PPIL6: variants seen among roughly 807,000 people sequenced by gnomAD.
The protein encoded by PPIL6 is probable inactive peptidyl-prolyl cis-trans isomerase-like 6.
A neutral mutation model predicts 36.8 loss-of-function variants in PPIL6; 39 were observed. The ratio of observed to expected loss-of-function variants is 1.06; its 90% confidence interval spans 0.82 to 1.38. The LOEUF (loss-of-function observed/expected upper bound fraction) is 1.38. PPIL6 is among the 40% of genes most tolerant of loss of function. PPIL6 has a pLI of 0.00. For missense variants in PPIL6, 368 were observed against 379.1 expected (o/e 0.97, Z 0.24); for synonymous variants, 123 against 134.1 (o/e 0.92, Z 0.57).
intron 2 of PPIL6, 117 bp from the exon 3 acceptor site, chr6:109,431,462 T>C (rs1582594484): frequency 1.8e-6 from 1 of 556,284 alleles, no homozygotes; most frequent in East Asian, 3.2e-5. Flanking sequence ...ACTCTAGTAT[T>C]GAATCTTTTA....
chr6:109,397,955 G>A (rs1012968941), intron 7 of PPIL6, among the ~76,000 whole-genome samples: 1 of 150,954 alleles, frequency 6.6e-6, no homozygotes, highest in Non-Finnish European at 1.5e-5. Context: ...GCAGTGGTGC[G>A]ATCTCGGCTC....
intron 5 of PPIL6, among the ~76,000 whole-genome samples, chr6:109,425,749 C>CAAAAAAAAAAAAAAAAAA (rs34275471): frequency 9.6e-6 from 1 of 103,702 alleles, no homozygotes; most frequent in African/African-American, 3.6e-5. Context: ...GACTCCGTTT[C>CAAAAAAAAAAAAAAAAAA]AAAAAAAAAA....
intron 3 of PPIL6, among the ~76,000 whole-genome samples, chr6:109,430,218 G>A (rs943534873): frequency 2.0e-5 from 3 of 152,178 alleles, no homozygotes; most frequent in South Asian, 2.1e-4. Flanking sequence ...GGCACAGGCC[G>A]CCATGGGCAT....
At chr6:109,440,686 G>A, upstream of PPIL6, 3 of 1,003,382 alleles carry the variant, frequency 3.0e-6, no homozygotes, top group Non-Finnish European at 3.7e-6. Flanking sequence ...GCGGGGCCCA[G>A]GGGCGGGTCG....
At chr6:109,434,907 C>G (rs1319089308) in intron 2 of PPIL6, among the ~76,000 whole-genome samples, 1 of 152,190 alleles carries the variant, frequency 6.6e-6, no homozygotes, top group Non-Finnish European at 1.5e-5. Flanking sequence ...GGTTGTCACC[C>G]AACAGGAAAA....
chr6:109,410,154 T>C (rs1309405627), intron 6 of PPIL6, among the ~76,000 whole-genome samples: 1 of 152,218 alleles, frequency 6.6e-6, no homozygotes. Flanking sequence ...CCGTGTCCCA[T>C]GTGGAAGATC....
At chr6:109,400,700 A>G (rs1051000611) in intron 6 of PPIL6, among the ~76,000 whole-genome samples, 13 of 152,162 alleles carry the variant, frequency 8.5e-5, no homozygotes, top group African/African-American at 1.7e-4. Flanking sequence ...TTGTCTCCTC[A>G]TGGCTTTAGC....
intron 1 of PPIL6, 100 bp downstream of exon 1, chr6:109,440,356 C>T: frequency 7.1e-7 from 1 of 1,408,552 alleles, no homozygotes; most frequent in Middle Eastern, 1.8e-4. Context: ...GGTGGGGCCT[C>T]GACCCCCGCC....
chr6:109,429,452 T>G (rs2115272749), intron 3 of PPIL6, among the ~76,000 whole-genome samples: 1 of 152,330 alleles, frequency 6.6e-6, no homozygotes, highest in Non-Finnish European at 1.5e-5. Context: ...GGATTTTTTT[T>G]TTCCTAATTA....
rs576637279 is a variant in PPIL6 at position 109,422,445 on chromosome 6, A to C, written c.632-3202T>G. Among the ~76,000 whole-genome samples the C allele has an allele frequency of 6.1e-4, 93 of 152,240 alleles. No homozygotes were observed. The Middle Eastern group carries it at 0.014, about 22-fold the overall frequency. ...TGTCTTTACAAAAACATTTTTAAAAATTTGCCAGGCATGGTAATGTGTGCC... is the reference window on the plus strand; with the variant it reads ...TGTCTTTACAAAAACATTTTTAAAACTTTGCCAGGCATGGTAATGTGTGCC... On this transcript the variant is annotated intron_variant, in intron 5 of 7. Transcript: ENST00000521072.
At chr6:109,439,558 T>C (rs1774674560) in intron 1 of PPIL6, among the ~76,000 whole-genome samples, 2 of 152,196 alleles carry the variant, frequency 1.3e-5, no homozygotes, top group South Asian at 2.1e-4. Flanking sequence ...GGTTTCACCA[T>C]GTTGGCCAGG....
intron 6 of PPIL6, among the ~76,000 whole-genome samples, chr6:109,407,497 C>T (rs541889454): frequency 6.6e-6 from 1 of 152,218 alleles, no homozygotes; most frequent in East Asian, 1.9e-4. Flanking sequence ...CCTCGGCCTC[C>T]CAAGGTGCTG....
intron 1 of PPIL6, 34 bp downstream of exon 1, chr6:109,440,422 G>A: frequency 2.6e-6 from 4 of 1,534,396 alleles, no homozygotes; most frequent in East Asian, 2.5e-5. Flanking sequence ...GTAGCGGGGA[G>A]GGCCGCCCAC....
At position 109,440,494 on chromosome 6, in the gene PPIL6, T is replaced by C. The variant is rs1774781594; in HGVS notation, c.97A>G (p.Ser33Gly). The change falls in exon 1 of 8, where the codon AGC (serine) becomes GGC (glycine). Residue 33 changes from serine to glycine, a missense_variant. Transcript: ENST00000521072. ...TTCGCAATCTGAAAGTTGGGGCAGC[T>C]GAAGAGCCCCACCACCTTCACCTGC... ...PLQVKVVGLF[S>G]CPNFQIAKSA... 1.3e-6 allele frequency: 2 copies of C among 1,538,380 alleles called. No individual in the cohort carries two copies. The highest frequency in any genetic ancestry group is 2.0e-5 in the Admixed American group (1 of 50,206).
intron 3 of PPIL6, among the ~76,000 whole-genome samples, chr6:109,430,511 C>A (rs1389824968): frequency 2.0e-5 from 3 of 152,110 alleles, no homozygotes; most frequent in Non-Finnish European, 4.4e-5. Flanking sequence ...ACTGCAACCT[C>A]CACCTCCCAG....
chr6:109,415,363 G>GT (rs1773204287), intron 6 of PPIL6, among the ~76,000 whole-genome samples: 1 of 152,184 alleles, frequency 6.6e-6, no homozygotes, highest in African/African-American at 2.4e-5. Flanking sequence ...TCTAGTGTCA[G>GT]TTTGTTTCCT....
chr6:109,425,846 C>A (rs1423260533), intron 5 of PPIL6, among the ~76,000 whole-genome samples: 1 of 151,404 alleles, frequency 6.6e-6, no homozygotes, highest in Non-Finnish European at 1.5e-5. Flanking sequence ...ATTAACAGGA[C>A]CCCTTGAGAA....
At chr6:109,401,800 C>T (rs1772555090) in intron 6 of PPIL6, among the ~76,000 whole-genome samples, 1 of 109,224 alleles carries the variant, frequency 9.2e-6, no homozygotes, top group South Asian at 3.0e-4. Context: ...TCTTGGTTCA[C>T]TGCAAGCTGC....
intron 6 of PPIL6, among the ~76,000 whole-genome samples, chr6:109,405,277 G>A (rs1419410418): frequency 1.3e-5 from 2 of 152,034 alleles, no homozygotes; most frequent in Non-Finnish European, 1.5e-5. Context: ...ATATAACCAT[G>A]CACTTAATGT....
Sources: gnomAD v4.1 joint callset for allele counts (sites outside exome capture counted in the v4.1 genomes callset) on GRCh38, gnomAD v4.1.1 for gene constraint, MANE v1.5 for transcripts, NCBI Gene and HGNC (gene_info 2026-07-23, HGNC 2026-07-21) for gene names.